Variants in B4GALT6 observed in about 807,000 individuals in gnomAD.
B4GALT6 encodes UDP-Gal:beta-GlcNAc beta-1,4-galactosyltransferase 6.
Under a neutral mutation model 46.3 loss-of-function variants are expected in B4GALT6, and 14 were observed. The observed-to-expected ratio is 0.30, with a 90% CI of 0.20 to 0.47. B4GALT6 has a LOEUF of 0.47. Among genes scored for constraint, B4GALT6 ranks in the 20% least tolerant of loss-of-function variants. The pLI is 0.99. For missense variants in B4GALT6, 386 were observed against 480.1 expected (o/e 0.80, Z 1.83); for synonymous variants, 168 against 162.0 (o/e 1.04, Z -0.28).
chr18:31,623,645 T>C lies in B4GALT6; in HGVS notation c.*1969A>G, dbSNP rs141260527. On this transcript the variant is annotated 3_prime_UTR_variant, in exon 9 of 9. Coordinates refer to ENST00000306851, the MANE Select transcript of B4GALT6 (RefSeq NM_004775.5). ...TACAAATATCATAATTTTCAGAAGG[T>C]TTGATTTTTCGAGTACCATAAAAAA... is the stretch of plus-strand genomic sequence containing the variant. 18 of 152,510 alleles carry C rather than the reference T, an allele frequency of 1.2e-4. No homozygotes were observed. In the East Asian group the frequency reaches 3.5e-3, roughly 29 times the overall value. 9.4% of individuals were successfully genotyped at this position (152,510 alleles called of 1,614,324 possible). A position where few individuals can be genotyped will look rare whatever the true frequency, so the allele number is the denominator to read the frequency against.
At chr18:31,699,636 GAAAAAAAAAAA>G in the B4GALT6 span, among the ~76,000 whole-genome samples, 1,620 of 104,136 alleles carry the variant, frequency 0.016, 44 homozygotes, top group African/African-American at 0.056. Context: ...TCTCTTCCTG[GAAAAAAAAAAA>G]AAAAAAAAAA....
chr18:31,680,581 T>C (rs1409247829), intron 1 of B4GALT6, among the ~76,000 whole-genome samples: 2 of 152,138 alleles, frequency 1.3e-5, no homozygotes, highest in Non-Finnish European at 2.9e-5. Context: ...AAACAGCCCG[T>C]CAGTGTGTCT....
chr18:31,652,249 A>G, intron 3 of B4GALT6, among the ~76,000 whole-genome samples: 1 of 152,120 alleles, frequency 6.6e-6, no homozygotes, highest in Admixed American at 6.5e-5. Flanking sequence ...ACTTCTCAAG[A>G]GTCTACTTTG....
At chr18:31,650,396 A>G (rs954686094) in intron 3 of B4GALT6, among the ~76,000 whole-genome samples, 112 of 152,216 alleles carry the variant, frequency 7.4e-4, no homozygotes, top group African/African-American at 2.4e-3. Context: ...GCTAGAACCC[A>G]CTCTCCAAAC....
Position 31,622,677 on chromosome 18 carries a change from C to T in B4GALT6, c.*2937G>A, listed in dbSNP as rs2073632413. 1 of 151,996 alleles carries T rather than the reference C, an allele frequency of 6.6e-6. No homozygotes were observed. The highest frequency in any genetic ancestry group is 6.6e-5 in the Admixed American group (1 of 15,266). 9.4% of individuals were successfully genotyped at this position (151,996 alleles called of 1,614,324 possible). The stretch of plus-strand genomic sequence containing the variant: ...AGGGTATATAAGGAAATTTTTAATA[C>T]ATAACTGTATCTACTTAATATTATA... On this transcript the variant is annotated 3_prime_UTR_variant, in exon 9 of 9. Transcript: ENST00000306851.
chr18:31,624,453 T>G lies in B4GALT6; in HGVS notation c.*1161A>C, dbSNP rs146029423. On this transcript the variant is annotated 3_prime_UTR_variant, in exon 9 of 9. Transcript: ENST00000306851. ...AATATAGTTTGAATGAAACTAACAT[T>G]CAAGGGTCCCCTCCAAAAGTGAAAT... The G allele has an allele frequency of 3.3e-5, 5 of 152,154 alleles. No homozygotes were observed. Among genetic ancestry groups the G allele is most frequent in the African/African-American group, 1.2e-4 (5 of 41,568 alleles). The allele number at this position is 152,154 out of a possible 1,614,324, so 9.4% of individuals were successfully genotyped here.
Position 31,625,408 on chromosome 18 carries a change from C to T in B4GALT6, c.*206G>A. Reference sequence around the variant, plus strand: ...GTAGTGGCTTCCCGTTTCTGCGGTGCTCGCCACAGGGGTGTGTCTCAGAGC... The same window carrying T: ...GTAGTGGCTTCCCGTTTCTGCGGTGTTCGCCACAGGGGTGTGTCTCAGAGC... On this transcript the variant is annotated 3_prime_UTR_variant, in exon 9 of 9. Transcript: ENST00000306851. 4.3e-6 allele frequency: 2 copies of T among 461,994 alleles called. No individual in the cohort carries two copies. The highest frequency in any genetic ancestry group is 7.3e-5 in the East Asian group (2 of 27,436). The allele number at this position is 461,994 out of a possible 1,614,324, so 28.6% of individuals were successfully genotyped here. A position where few individuals can be genotyped will look rare whatever the true frequency, so the allele number is the denominator to read the frequency against.
chr18:31,699,360 C>T, the B4GALT6 span, among the ~76,000 whole-genome samples: 2 of 151,312 alleles, frequency 1.3e-5, no homozygotes, highest in South Asian at 2.1e-4. Context: ...GCAACCTCCA[C>T]CTCCTGGGTT....
chr18:31,703,658 C>T, the B4GALT6 span, among the ~76,000 whole-genome samples: 1 of 152,126 alleles, frequency 6.6e-6, no homozygotes, highest in Non-Finnish European at 1.5e-5. Context: ...TATTTGAGGT[C>T]GGAGGTTAAG....
intron 4 of B4GALT6, among the ~76,000 whole-genome samples, chr18:31,639,101 T>C (rs2073898844): frequency 6.6e-6 from 1 of 152,082 alleles, no homozygotes; most frequent in South Asian, 2.1e-4. Flanking sequence ...AGACCAAAAA[T>C]TGACTCAGGG....
rs1214277270 is a variant in B4GALT6 at position 31,684,332 on chromosome 18, A to G, written c.95T>C (p.Ile32Thr). ...CTTACCGATGCCTGGGGCCACATAG[A>G]TGAAGTACAGACAGGACGAAGAGAG... ...FSLSSSCLYF[I>T]YVAPGIANTY... is the part of the protein sequence containing the mutation. Residue 32 changes from isoleucine to threonine, a missense_variant, in exon 1 of 9, where the codon ATC becomes ACC. Physicochemically the swap from Ile to Thr is moderately conservative, Grantham distance 89. Transcript: ENST00000306851. 3 of 1,613,570 alleles carry G rather than the reference A, an allele frequency of 1.9e-6. No homozygotes were observed. The Admixed American group carries it at 5.0e-5, about 27-fold the overall frequency.
At chr18:31,656,422 C>CAA (rs1216466723) in intron 3 of B4GALT6, among the ~76,000 whole-genome samples, 1 of 150,838 alleles carries the variant, frequency 6.6e-6, no homozygotes, top group Non-Finnish European at 1.5e-5. Flanking sequence ...GATACACACA[C>CAA]AAAAAAAAGC....
At chr18:31,687,550 C>T (rs965890604), upstream of B4GALT6, among the ~76,000 whole-genome samples, 16 of 152,036 alleles carry the variant, frequency 1.1e-4, no homozygotes, top group Non-Finnish European at 2.2e-4. Context: ...CCAAGTAAGC[C>T]CCATAACAGA....
At position 31,684,566 on chromosome 18, in the gene B4GALT6, C is replaced by T; in HGVS notation, c.-140G>A. 1 of 1,435,088 alleles carries T rather than the reference C, an allele frequency of 7.0e-7. No individual in the cohort carries two copies. Among genetic ancestry groups the T allele is most frequent in the Non-Finnish European group, 9.2e-7 (1 of 1,091,454 alleles). The allele number at this position is 1,435,088 out of a possible 1,614,324, so 88.9% of individuals were successfully genotyped here. On this transcript the variant is annotated 5_prime_UTR_variant, in exon 1 of 9. Transcript: ENST00000306851. ...GCGCGGGGAGGCTCTGGGGAGAGGGCCCGAGCGGAAAAGAGGAAATGGGAG... is the reference window on the plus strand; with the variant it reads ...GCGCGGGGAGGCTCTGGGGAGAGGGTCCGAGCGGAAAAGAGGAAATGGGAG...
intron 1 of B4GALT6, among the ~76,000 whole-genome samples, chr18:31,681,666 G>A (rs1344015199): frequency 2.0e-5 from 3 of 152,152 alleles, no homozygotes; most frequent in East Asian, 1.9e-4. Flanking sequence ...TGCTCAAGAT[G>A]GCAAAGAAGA....
At chr18:31,633,812 A>T (rs1371920794) in intron 5 of B4GALT6, among the ~76,000 whole-genome samples, 1 of 152,182 alleles carries the variant, frequency 6.6e-6, no homozygotes, top group African/African-American at 2.4e-5. Context: ...TGCTCTGCAG[A>T]AAAGAGCACC....
At chr18:31,723,473 C>T in the B4GALT6 span, among the ~76,000 whole-genome samples, 1 of 152,108 alleles carries the variant, frequency 6.6e-6, no homozygotes, top group Non-Finnish European at 1.5e-5. Flanking sequence ...TGAAGAGTGG[C>T]GCTGTAGCTT....
At chr18:31,708,606 C>A in the B4GALT6 span, among the ~76,000 whole-genome samples, 1 of 151,854 alleles carries the variant, frequency 6.6e-6, no homozygotes, top group Non-Finnish European at 1.5e-5. Context: ...ATTAAAAAAA[C>A]CACTAGAATA....
intron 1 of B4GALT6, among the ~76,000 whole-genome samples, chr18:31,667,598 T>C (rs984161033): frequency 6.6e-6 from 1 of 152,156 alleles, no homozygotes; most frequent in African/African-American, 2.4e-5. Context: ...ATTAAACTAC[T>C]AGAAAAGCAG....
Sources: allele counts gnomAD v4.1 joint callset (sites outside exome capture counted in the v4.1 genomes callset), GRCh38; gene constraint gnomAD v4.1.1; transcripts MANE v1.5; gene names NCBI Gene and HGNC (gene_info 2026-07-23, HGNC 2026-07-21).